HHAT: variants seen among roughly 807,000 people sequenced by gnomAD.
HHAT encodes the protein hedgehog acyltransferase, also known as protein-cysteine N-palmitoyltransferase HHAT.
Under a neutral mutation model 70.8 loss-of-function variants are expected in HHAT, and 47 were observed. The ratio of observed to expected loss-of-function variants is 0.66; its 90% CI spans 0.53 to 0.85. HHAT has a LOEUF of 0.85. Among genes scored for constraint, HHAT ranks in the 40% least tolerant of loss-of-function variants. The pLI, the probability that HHAT is intolerant of heterozygous loss-of-function variation, is 0.00. For synonymous variants in HHAT, 228 were observed against 247.6 expected (o/e 0.92, Z 0.74); for missense variants, 609 against 604.8 (o/e 1.01, Z -0.07).
intron 6 of HHAT, among the ~76,000 whole-genome samples, chr1:210,405,735 C>T (rs1369375307): frequency 6.6e-6 from 1 of 152,030 alleles, no homozygotes; most frequent in East Asian, 1.9e-4. Flanking sequence ...CTAAAATTTC[C>T]AGTGAAAGTA....
intron 10 of HHAT, among the ~76,000 whole-genome samples, chr1:210,619,456 C>T (rs2148864965): frequency 6.6e-6 from 1 of 152,244 alleles, no homozygotes. Flanking sequence ...AAGGAACATT[C>T]CCTGCCCTGG....
chr1:210,341,728 G>A (rs757948311), intron 1 of HHAT, among the ~76,000 whole-genome samples: 17 of 152,200 alleles, frequency 1.1e-4, no homozygotes, highest in South Asian at 6.2e-4. Flanking sequence ...AGTTCTGTGA[G>A]CTGAGAGATT....
intron 10 of HHAT, among the ~76,000 whole-genome samples, chr1:210,621,347 G>A (rs1216846640): frequency 6.6e-6 from 1 of 152,152 alleles, no homozygotes; most frequent in Non-Finnish European, 1.5e-5. Context: ...AAGTGGTGGA[G>A]TGTCAGACTC....
chr1:210,583,337 C>T (rs1050156559), intron 9 of HHAT, among the ~76,000 whole-genome samples: 1 of 152,144 alleles, frequency 6.6e-6, no homozygotes, highest in Non-Finnish European at 1.5e-5. Context: ...AGGCAGGCTT[C>T]GTGAAGACTC....
At chr1:210,591,019 G>C (rs778106373) in intron 10 of HHAT, among the ~76,000 whole-genome samples, 44 of 152,102 alleles carry the variant, frequency 2.9e-4, no homozygotes, top group Non-Finnish European at 4.0e-4. Context: ...TCACATGGGG[G>C]TAAATGGGGT....
At chr1:210,373,575 A>G (rs1303999705) in intron 3 of HHAT, among the ~76,000 whole-genome samples, 1 of 152,126 alleles carries the variant, frequency 6.6e-6, no homozygotes, top group Non-Finnish European at 1.5e-5. Context: ...TTCGAGATGG[A>G]TGAAGGTTTG....
chr1:210,618,833 G>C (rs1173951683), intron 10 of HHAT, among the ~76,000 whole-genome samples: 1 of 152,202 alleles, frequency 6.6e-6, no homozygotes, highest in Non-Finnish European at 1.5e-5. Context: ...AGTTGCCATG[G>C]AGATTTGAAT....
intron 2 of HHAT, 79 bp downstream of exon 2, chr1:210,349,145 A>G (rs146023121): frequency 6.9e-7 from 1 of 1,442,288 alleles, no homozygotes; most frequent in African/African-American, 1.4e-5. Context: ...GGAAGATTCA[A>G]GAAGATGATC....
intron 9 of HHAT, among the ~76,000 whole-genome samples, chr1:210,559,816 G>A (rs1305709091): frequency 2.0e-5 from 3 of 152,136 alleles, no homozygotes; most frequent in Non-Finnish European, 4.4e-5. Context: ...GAAAGTGTAG[G>A]TATTTTTTTG....
At chr1:210,535,456 G>GTGTGTGTGTGTGTGTGTGT (rs1394781594) in intron 9 of HHAT, among the ~76,000 whole-genome samples, 18 of 140,228 alleles carry the variant, frequency 1.3e-4, no homozygotes, top group African/African-American at 4.3e-4. Flanking sequence ...TGTGTGTGTG[G>GTGTGTGTGTGTGTGTGTGT]GGTAAAATAA....
At chr1:210,553,934 A>G (rs1187725657) in intron 9 of HHAT, among the ~76,000 whole-genome samples, 3 of 152,138 alleles carry the variant, frequency 2.0e-5, no homozygotes, top group Non-Finnish European at 4.4e-5. Context: ...TGGCCCTGAA[A>G]TTGTTCTCTT....
chr1:210,521,072 T>TA (rs1250031187), intron 9 of HHAT, among the ~76,000 whole-genome samples: 1 of 152,230 alleles, frequency 6.6e-6, no homozygotes, highest in Non-Finnish European at 1.5e-5. Flanking sequence ...TAGTCCTTAA[T>TA]ATAGTCCTTA....
intron 9 of HHAT, among the ~76,000 whole-genome samples, chr1:210,528,515 G>T (rs1358862905): frequency 1.3e-5 from 2 of 152,150 alleles, no homozygotes; most frequent in Non-Finnish European, 2.9e-5. Context: ...TGTAACAGTA[G>T]CTAAAAATTA....
rs1215567601 is a variant in HHAT, at chr1:210,560,835, A to C, written c.1044-27063A>C. The stretch of plus-strand genomic sequence containing the variant: ...GTCTTAAAAAAAAAAAAAAAAAAAA[A>C]AAAAAAAAAAAAAAAACCAGAGTAG... On this transcript the variant is annotated intron_variant, in intron 9 of 11. Transcript: ENST00000261458. 3.2e-4 allele frequency among the ~76,000 whole-genome samples: 48 copies of C among 148,736 alleles called. 3 individuals carry two copies. Among genetic ancestry groups the C allele is most frequent in the African/African-American group, 9.8e-4 (40 of 40,734 alleles).
chr1:210,666,452 A>C (rs1678911283), intron 11 of HHAT, among the ~76,000 whole-genome samples: 1 of 152,152 alleles, frequency 6.6e-6, no homozygotes, highest in Non-Finnish European at 1.5e-5. Context: ...TAGGAAGATG[A>C]AGGACCGAAG....
At chr1:210,338,173 C>T (rs1372646158) in intron 1 of HHAT, among the ~76,000 whole-genome samples, 1 of 115,230 alleles carries the variant, frequency 8.7e-6, no homozygotes, top group Non-Finnish European at 1.8e-5. Flanking sequence ...ATAGTGAGAC[C>T]CGCCCCCATT....
chr1:210,575,753 C>T (rs1657586182), intron 9 of HHAT, among the ~76,000 whole-genome samples: 1 of 152,302 alleles, frequency 6.6e-6, no homozygotes, highest in South Asian at 2.1e-4. Flanking sequence ...CATGTGTCAT[C>T]AGAACTTTGA....
chr1:210,476,311 C>G (rs2094306066), intron 8 of HHAT, among the ~76,000 whole-genome samples: 1 of 152,218 alleles, frequency 6.6e-6, no homozygotes, highest in Admixed American at 6.5e-5. Flanking sequence ...CTGATACTGT[C>G]CAACTGCTTA....
intron 1 of HHAT, among the ~76,000 whole-genome samples, chr1:210,339,554 C>A (rs2085817042): frequency 6.6e-6 from 1 of 152,170 alleles, no homozygotes; most frequent in East Asian, 1.9e-4. Context: ...ACCCTGAAAC[C>A]CCACTGCTGT....
Sources: allele counts gnomAD v4.1 joint callset (sites outside exome capture counted in the v4.1 genomes callset), GRCh38; gene constraint gnomAD v4.1.1; transcripts MANE v1.5; gene names NCBI Gene and HGNC (gene_info 2026-07-23, HGNC 2026-07-21).